VPS26C: variants seen among roughly 807,000 people sequenced by gnomAD.
The protein encoded by VPS26C is vacuolar protein sorting-associated protein 26C.
VPS26C carries 19 observed loss-of-function variants against 30.6 expected under a neutral mutation model. The ratio of observed to expected loss-of-function variants is 0.62; its 90% CI spans 0.43 to 0.91. The LOEUF is 0.91. Among genes scored for constraint, VPS26C ranks in the 40% least tolerant of loss-of-function variants. The pLI is 0.00. For synonymous variants in VPS26C, 132 were observed against 151.5 expected (o/e 0.87, Z 0.95); for missense variants, 318 against 385.1 (o/e 0.83, Z 1.46).
chr21:37,233,477 T>C lies in VPS26C; in HGVS notation c.352-35A>G. ...AGAGTTGGAGGAAAAAAGTTCATTT[T>C]AGTGGGATTTGCTTTCATCTTGGAA... On this transcript the variant is annotated intron_variant, in intron 3 of 7. Coordinates refer to ENST00000309117, the MANE Select transcript of VPS26C (RefSeq NM_006052.2). This position sits in a 1 kb window ranked among gnomAD's most constrained non-coding sequence, Gnocchi z 5.2. 1 of 1,492,490 alleles carries C rather than the reference T, an allele frequency of 6.7e-7. No homozygotes were observed. The highest frequency in any genetic ancestry group is 9.3e-7 in the Non-Finnish European group (1 of 1,069,684). The allele number at this position is 1,492,490 out of a possible 1,614,324, so 92.5% of individuals were successfully genotyped here. A position where few individuals can be genotyped will look rare whatever the true frequency, so the allele number is the denominator to read the frequency against.
At position 37,233,906 on chromosome 21, in the gene VPS26C, A is replaced by G. The variant is rs577624843; in HGVS notation, c.352-464T>C. Among the ~76,000 whole-genome samples the G allele has an allele frequency of 1.1e-4, 17 of 152,344 alleles. 1 individual carries two copies. Among genetic ancestry groups the G allele is most frequent in the East Asian group, 7.7e-4 (4 of 5,180 alleles). ...AAGACCCACCTGCAGCGAGACTCCA[A>G]TGAGATCATGTGTGACAAGCACTCA... On this transcript the variant is annotated intron_variant, in intron 3 of 7. Transcript: ENST00000309117. This position sits in a 1 kb window ranked among gnomAD's most constrained non-coding sequence, Gnocchi z 5.2.
intron 1 of VPS26C, among the ~76,000 whole-genome samples, chr21:37,240,954 T>C (rs982178851): frequency 6.6e-6 from 1 of 152,010 alleles, no homozygotes; most frequent in South Asian, 2.1e-4. Flanking sequence ...AATTCAAGAG[T>C]GCAAGGAGAA....
chr21:37,265,398 C>T (rs1450241988), intron 1 of VPS26C, among the ~76,000 whole-genome samples: 2 of 152,198 alleles, frequency 1.3e-5, no homozygotes, highest in African/African-American at 2.4e-5. Flanking sequence ...CTCCTATACA[C>T]ATATGTGCAT....
At chr21:37,241,023 T>C (rs2086082034) in intron 1 of VPS26C, among the ~76,000 whole-genome samples, 1 of 152,218 alleles carries the variant, frequency 6.6e-6, no homozygotes, top group Admixed American at 6.5e-5. Flanking sequence ...TGAGGTCCCT[T>C]CAAAAGGAAC....
intron 3 of VPS26C, among the ~76,000 whole-genome samples, chr21:37,236,189 T>C (rs1294069294): frequency 3.3e-5 from 5 of 151,896 alleles, no homozygotes; most frequent in African/African-American, 9.7e-5. Flanking sequence ...AATGTGCCTA[T>C]GTTAACCTTT....
chr21:37,228,434 T>G, intron 5 of VPS26C, 61 bp from the exon 6 acceptor site: 2 of 1,581,936 alleles, frequency 1.3e-6, no homozygotes, highest in Non-Finnish European at 1.7e-6. Flanking sequence ...TGCTCCATAC[T>G]TTGGTGCAAA....
chr21:37,235,326 G>A (rs56754691), intron 3 of VPS26C, among the ~76,000 whole-genome samples: 2,390 of 152,120 alleles, frequency 0.016, 67 homozygotes, highest in African/African-American at 0.055. Context: ...TAGATACGGG[G>A]TTTCACCATG....
chr21:37,258,608 A>G (rs2086271605), intron 1 of VPS26C, among the ~76,000 whole-genome samples: 1 of 152,076 alleles, frequency 6.6e-6, no homozygotes, highest in Admixed American at 6.6e-5. Context: ...TTCGGGCCTA[A>G]GAGAGGGCAT....
At chr21:37,235,877 A>ATTT (rs1352661229) in intron 3 of VPS26C, among the ~76,000 whole-genome samples, 160 of 35,904 alleles carry the variant, frequency 4.5e-3, no homozygotes, top group African/African-American at 0.016. Context: ...ATATATATAT[A>ATTT]TATTTTTTTT....
chr21:37,254,657 A>T (rs1039175825), intron 1 of VPS26C, among the ~76,000 whole-genome samples: 1 of 152,078 alleles, frequency 6.6e-6, no homozygotes, highest in East Asian at 1.9e-4. Context: ...CTAAAAATAC[A>T]AAAAATAGCC....
Position 37,232,304 on chromosome 21 carries a change from G to A in VPS26C, c.507+73C>T, listed in dbSNP as rs546620180. On this transcript the variant is annotated intron_variant, in intron 5 of 7. Coordinates refer to ENST00000309117, the MANE Select transcript of VPS26C (RefSeq NM_006052.2). ...CGTGATTTCCAAATGAAGACCACCC[G>A]GGCAATAGCTAGTCCGTGGGGTCTG... The A allele has an allele frequency of 1.4e-4, 179 of 1,290,194 alleles. 1 individual carries two copies. The highest frequency in any genetic ancestry group is 1.4e-3 in the Admixed American group (74 of 54,000). The allele number at this position is 1,290,194 out of a possible 1,614,324, so 79.9% of individuals were successfully genotyped here. A position where few individuals can be genotyped will look rare whatever the true frequency, so the allele number is the denominator to read the frequency against.
intron 1 of VPS26C, among the ~76,000 whole-genome samples, chr21:37,265,665 C>T (rs1194024723): frequency 6.6e-6 from 1 of 152,122 alleles, no homozygotes; most frequent in African/African-American, 2.4e-5. Context: ...AGAATCCACG[C>T]TACTTGTTTC....
chr21:37,238,318 A>T, intron 3 of VPS26C, 142 bp downstream of exon 3: 2 of 921,964 alleles, frequency 2.2e-6, no homozygotes, highest in Non-Finnish European at 3.2e-6. Flanking sequence ...ATGAGAAATT[A>T]ACGTCGAATA....
intron 1 of VPS26C, among the ~76,000 whole-genome samples, chr21:37,259,922 T>C (rs147248122): frequency 0.011 from 1,626 of 152,266 alleles, 21 homozygotes; most frequent in East Asian, 0.028. Context: ...AACATGACAA[T>C]GCCACCACCT....
At chr21:37,232,159 T>TCC (rs1394711914) in intron 5 of VPS26C, among the ~76,000 whole-genome samples, 1 of 152,194 alleles carries the variant, frequency 6.6e-6, no homozygotes, top group Non-Finnish European at 1.5e-5. Context: ...ACATGGACCC[T>TCC]CCCTGAGGAA....
chr21:37,228,377 A>T lies in VPS26C; in HGVS notation c.508-4T>A. ...GAAATTTGGGAAGCAAAGCTCTCTA[A>T]AACAAAATGAAAACAAATACATCAG... On this transcript the variant is annotated splice_polypyrimidine_tract_variant and splice_region_variant and intron_variant, in intron 5 of 7. Transcript: ENST00000309117. 2 of 1,613,882 alleles carry T rather than the reference A, an allele frequency of 1.2e-6. No individual in the cohort carries two copies. Among genetic ancestry groups the T allele is most frequent in the East Asian group, 4.5e-5 (2 of 44,884 alleles).
intron 1 of VPS26C, among the ~76,000 whole-genome samples, chr21:37,256,125 C>T (rs1056427012): frequency 3.3e-5 from 5 of 152,164 alleles, no homozygotes; most frequent in African/African-American, 7.2e-5. Flanking sequence ...CATGAGCCAC[C>T]GTGCCCGGCC....
At chr21:37,235,865 A>G (rs1232270338) in intron 3 of VPS26C, among the ~76,000 whole-genome samples, 4 of 103,140 alleles carry the variant, frequency 3.9e-5, no homozygotes, top group African/African-American at 1.4e-4. Flanking sequence ...ATATATATAT[A>G]TATATATATA....
intron 1 of VPS26C, among the ~76,000 whole-genome samples, chr21:37,258,622 T>C (rs1369611226): frequency 1.3e-5 from 2 of 152,182 alleles, no homozygotes; most frequent in African/African-American, 2.4e-5. Flanking sequence ...AGGGCATGGC[T>C]GGCGACACGG....
Sources: allele counts gnomAD v4.1 joint callset (sites outside exome capture counted in the v4.1 genomes callset), GRCh38; gene constraint gnomAD v4.1.1; non-coding constraint Gnocchi (gnomAD v3.1); transcripts MANE v1.5; gene names NCBI Gene and HGNC (gene_info 2026-07-23, HGNC 2026-07-21).